BSN: variants seen among roughly 807,000 people sequenced by gnomAD.
BSN encodes the protein bassoon presynaptic cytomatrix protein.
A neutral mutation model predicts 264.8 loss-of-function variants in BSN; 57 were observed. That is an observed-to-expected ratio of 0.22 (90% confidence interval 0.17 to 0.27). The LOEUF is 0.27. BSN is among the 10% of genes least tolerant of loss of function. The pLI, the probability that BSN is intolerant of heterozygous loss-of-function variation, is 1.00. For missense variants in BSN, 4,615 were observed against 5,232.5 expected, an observed-to-expected ratio of 0.88 and a Z score of 3.64; for synonymous variants, 2,059 against 2,137.3, an observed-to-expected ratio of 0.96 and a Z score of 1.01.
At position 49,642,566 on chromosome 3, in the gene BSN, A is replaced by G. The variant is rs374249681; in HGVS notation, c.932A>G (p.Lys311Arg). Residue 311 changes from lysine (K) to arginine (R), a missense_variant, in exon 3 of 12, where the codon AAG (lysine) becomes AGG (arginine). This residue lies in a region of BSN where 1,197 missense variants were observed against 1,348.0 expected (regional missense o/e 0.89). Transcript: ENST00000296452. The surrounding 1 kb of genome is among the most constrained non-coding windows in gnomAD (Gnocchi z 7.0). ...TCTCCTCAGCCCCCTCAACCCACCA[A>G]GCCTTCCACAGCTGAGCCCAGGCCA... ...RVSPQPPQPTKPSTAEPRPPA... is the reference protein window; with the variant it reads ...RVSPQPPQPTRPSTAEPRPPA... 13 of 1,604,434 alleles carry G rather than the reference A, an allele frequency of 8.1e-6. No homozygotes were observed. Among genetic ancestry groups the G allele is most frequent in the African/African-American group, 1.3e-5 (1 of 74,778 alleles).
Position 49,655,819 on chromosome 3 carries a change from C to T in BSN, c.6263C>T (p.Ala2088Val), listed in dbSNP as rs754311980. The T allele has an allele frequency of 6.2e-7, 1 of 1,613,398 alleles. No homozygotes were observed. The highest frequency in any genetic ancestry group is 8.5e-7 in the Non-Finnish European group (1 of 1,180,022). ...DAVGFQEASL[A>V]QYSATTAREI... Reference sequence around the variant, plus strand: ...GTTGGCTTCCAGGAGGCCAGCCTGGCCCAGTACAGTGCCACCACAGCCCGT... The same window carrying T: ...GTTGGCTTCCAGGAGGCCAGCCTGGTCCAGTACAGTGCCACCACAGCCCGT... Residue 2088 changes from alanine (A) to valine (V), a missense_variant, in exon 5 of 12, where the codon GCC becomes GTC. Ala to Val is a moderately conservative substitution (Grantham distance 64). Coordinates refer to ENST00000296452, the MANE Select transcript of BSN (RefSeq NM_003458.4).
At position 49,660,629 on chromosome 3, in the gene BSN, G is replaced by A. The variant is rs772734311; in HGVS notation, c.8784G>A (p.Thr2928=). The change falls in exon 6 of 12, where the codon ACG becomes ACA. Residue 2928 remains threonine (T), a synonymous_variant. Transcript: ENST00000296452. This position sits in a 1 kb window ranked among gnomAD's most constrained non-coding sequence, Gnocchi z 7.1. ...CCAGCCTGCTGCAGCGAGGGCTGACGGGGCCCACCACTGTCCCTGCTACCA... is the reference window on the plus strand; with the variant it reads ...CCAGCCTGCTGCAGCGAGGGCTGACAGGGCCCACCACTGTCCCTGCTACCA... ...YAASLLQRGL[T]GPTTVPATKA... The A allele has an allele frequency of 5.6e-6, 9 of 1,612,866 alleles. No homozygotes were observed. In the East Asian group the frequency reaches 8.9e-5, roughly 16 times the overall value.
chr3:49,607,002 A>G (rs1403530865), intron 1 of BSN, among the ~76,000 whole-genome samples: 5 of 151,998 alleles, frequency 3.3e-5, no homozygotes, highest in Non-Finnish European at 4.4e-5. Context: ...TCAGTTTGCA[A>G]TATTCTCCTT....
At chr3:49,577,428 A>T (rs2051853992) in intron 1 of BSN, among the ~76,000 whole-genome samples, 1 of 152,018 alleles carries the variant, frequency 6.6e-6, no homozygotes, top group African/African-American at 2.4e-5. Context: ...CAGAGGGTTG[A>T]GATTGTGAGA....
intron 1 of BSN, among the ~76,000 whole-genome samples, chr3:49,601,707 C>T (rs1322558936): frequency 2.0e-5 from 3 of 152,330 alleles, no homozygotes; most frequent in East Asian, 3.9e-4. Context: ...GGTTTATATC[C>T]AGTCTCAGAA....
At chr3:49,606,189 T>TATATATGTATATATA (rs2052141808) in intron 1 of BSN, among the ~76,000 whole-genome samples, 1 of 43,762 alleles carries the variant, frequency 2.3e-5, no homozygotes, top group African/African-American at 1.2e-4. Context: ...GTATATATAT[T>TATATATGTATATATA]ATATATACAT....
intron 1 of BSN, among the ~76,000 whole-genome samples, chr3:49,583,585 G>A (rs1283848152): frequency 6.6e-6 from 1 of 152,016 alleles, no homozygotes; most frequent in Admixed American, 6.6e-5. Context: ...ATTCCAGCCT[G>A]GATGACAGAG....
At chr3:49,582,366 C>T (rs1034911645) in intron 1 of BSN, among the ~76,000 whole-genome samples, 1 of 152,094 alleles carries the variant, frequency 6.6e-6, no homozygotes, top group Non-Finnish European at 1.5e-5. Flanking sequence ...TGGCTATTTA[C>T]ATTTGCAGTC....
chr3:49,558,561 C>A (rs1475508933), intron 1 of BSN, among the ~76,000 whole-genome samples: 1 of 152,194 alleles, frequency 6.6e-6, no homozygotes, highest in African/African-American at 2.4e-5. Context: ...AGACTTGTTA[C>A]ATTATATCAG....
At chr3:49,611,475 G>C (rs557310195) in intron 1 of BSN, among the ~76,000 whole-genome samples, 2 of 152,282 alleles carry the variant, frequency 1.3e-5, no homozygotes, top group East Asian at 3.9e-4. Flanking sequence ...TCCGTGACTT[G>C]GGCTGCATCA....
intron 1 of BSN, among the ~76,000 whole-genome samples, chr3:49,622,615 A>G (rs1456220711): frequency 1.3e-5 from 2 of 152,252 alleles, no homozygotes; most frequent in African/African-American, 2.4e-5. Flanking sequence ...AGAGGGGGCC[A>G]CAGCCCATTC....
At chr3:49,578,470 C>T (rs1449656408) in intron 1 of BSN, among the ~76,000 whole-genome samples, 3 of 151,386 alleles carry the variant, frequency 2.0e-5, no homozygotes, top group Admixed American at 2.0e-4. Flanking sequence ...TGCAGTGGTG[C>T]GATCTCAGCT....
At chr3:49,623,337 C>T (rs1230268177) in intron 1 of BSN, among the ~76,000 whole-genome samples, 1 of 152,196 alleles carries the variant, frequency 6.6e-6, no homozygotes, top group Non-Finnish European at 1.5e-5. Context: ...TGAGTACAGA[C>T]TAAAGCAGGG....
intron 1 of BSN, among the ~76,000 whole-genome samples, chr3:49,613,499 A>AT (rs1340185334): frequency 8.0e-4 from 119 of 148,392 alleles, no homozygotes; most frequent in East Asian, 2.2e-3. Flanking sequence ...TATTATTATT[A>AT]TTATTTTTTT....
chr3:49,593,012 G>A (rs1440560761), intron 1 of BSN, among the ~76,000 whole-genome samples: 1 of 152,106 alleles, frequency 6.6e-6, no homozygotes, highest in Non-Finnish European at 1.5e-5. Flanking sequence ...GGGATCCTTT[G>A]TGTTGTCTTT....
In BSN at chr3:49,653,775, G is replaced by C. The variant is rs765947954; in HGVS notation, c.4219G>C (p.Glu1407Gln). 6 of 1,613,996 alleles carry C rather than the reference G, an allele frequency of 3.7e-6. No individual in the cohort carries two copies. The Admixed American group carries it at 1.0e-4, about 27-fold the overall frequency. Residue 1407 changes from glutamate (E) to glutamine (Q), a missense_variant, in exon 5 of 12, where the codon GAG (glutamate) becomes CAG (glutamine). Coordinates refer to ENST00000296452, the MANE Select transcript of BSN (RefSeq NM_003458.4). The surrounding 1 kb of genome is among the most constrained non-coding windows in gnomAD (Gnocchi z 6.3). Reference protein sequence around the residue: ...YMTPASPAGSERSPSPSSTAH... With the variant: ...YMTPASPAGSQRSPSPSSTAH... Reference sequence around the variant, plus strand: ...GACTCCAGCCTCCCCAGCAGGCTCCGAGCGTAGTCCTTCACCATCTTCCAC... The same window carrying C: ...GACTCCAGCCTCCCCAGCAGGCTCCCAGCGTAGTCCTTCACCATCTTCCAC...
chr3:49,625,436 T>G lies in BSN; in HGVS notation c.633+53T>G. ...TCACCTGCTACCTCATTACCATACC[T>G]CCCCTGGTTCCCTTCCCCTCTTTCA... is the stretch of plus-strand genomic sequence containing the variant. On this transcript the variant is annotated intron_variant, in intron 2 of 11. Coordinates refer to ENST00000296452, the MANE Select transcript of BSN (RefSeq NM_003458.4). The surrounding 1 kb of genome is among the most constrained non-coding windows in gnomAD (Gnocchi z 4.4). 3 of 1,388,536 alleles carry G rather than the reference T, an allele frequency of 2.2e-6. No individual in the cohort carries two copies. The highest frequency in any genetic ancestry group is 9.4e-7 in the Non-Finnish European group (1 of 1,065,832). 86.0% of individuals were successfully genotyped at this position (1,388,536 alleles called of 1,614,324 possible). A position where few individuals can be genotyped will look rare whatever the true frequency, so the allele number is the denominator to read the frequency against.
At chr3:49,637,147 A>G (rs2052425868) in intron 2 of BSN, among the ~76,000 whole-genome samples, 1 of 152,242 alleles carries the variant, frequency 6.6e-6, no homozygotes, top group South Asian at 2.1e-4. Context: ...GTGCTGAGTG[A>G]TCTGAAACAC....
intron 1 of BSN, among the ~76,000 whole-genome samples, chr3:49,608,021 G>T (rs2052172484): frequency 6.6e-6 from 1 of 152,198 alleles, no homozygotes; most frequent in South Asian, 2.1e-4. Flanking sequence ...GGGTATGGAG[G>T]GATAGAGGTC....
Sources: gnomAD v4.1 joint callset for allele counts (sites outside exome capture counted in the v4.1 genomes callset) on GRCh38, gnomAD v4.1.1 for gene constraint, gnomAD v4.1.1 regional missense constraint, Gnocchi (gnomAD v3.1) non-coding constraint, MANE v1.5 for transcripts, NCBI Gene and HGNC (gene_info 2026-07-23, HGNC 2026-07-21) for gene names.